Variants in GMPR observed in about 807,000 individuals in gnomAD.
GMPR encodes the protein GMP reductase 1.
Under a neutral mutation model 38.4 loss-of-function variants are expected in GMPR, and 31 were observed. The observed-to-expected ratio is 0.81, with a 90% CI of 0.61 to 1.09. The LOEUF (loss-of-function observed/expected upper bound fraction) is 1.09, where lower values mean the gene tolerates loss of function less well. Ranked by LOEUF, GMPR falls within the 50% of genes least tolerant of loss-of-function variation. The pLI, the probability that GMPR is intolerant of heterozygous loss-of-function variation, is 0.00. For synonymous variants in GMPR, 162 were observed against 173.3 expected (o/e 0.93, Z 0.51); for missense variants, 468 against 453.7 (o/e 1.03, Z -0.29).
At chr6:16,244,887 G>A (rs966323018) in intron 1 of GMPR, among the ~76,000 whole-genome samples, 6 of 152,032 alleles carry the variant, frequency 3.9e-5, no homozygotes, top group Admixed American at 2.0e-4. Context: ...GAGGGGAAGC[G>A]TTTACTGTTA....
At chr6:16,292,622 T>G (rs73362663) in intron 8 of GMPR, among the ~76,000 whole-genome samples, 3,577 of 152,236 alleles carry the variant, frequency 0.023, 71 homozygotes, top group South Asian at 0.045. Context: ...TACCAGCAAC[T>G]GTTGTCATCA....
At chr6:16,257,778 G>C (rs542498849) in intron 4 of GMPR, among the ~76,000 whole-genome samples, 1 of 152,286 alleles carries the variant, frequency 6.6e-6, no homozygotes, top group East Asian at 1.9e-4. Flanking sequence ...AGGCATACAG[G>C]CTCCTTGGAA....
chr6:16,245,420 A>G (rs886712638), intron 1 of GMPR, among the ~76,000 whole-genome samples: 1 of 152,220 alleles, frequency 6.6e-6, no homozygotes, highest in Non-Finnish European at 1.5e-5. Flanking sequence ...TCGCAAAGTG[A>G]AAGTTGCCTC....
At chr6:16,282,211 G>A (rs1207489708) in intron 6 of GMPR, among the ~76,000 whole-genome samples, 7 of 152,230 alleles carry the variant, frequency 4.6e-5, no homozygotes, top group Non-Finnish European at 8.8e-5. Flanking sequence ...GGCTTCAGTC[G>A]TGTTTCTGTT....
intron 4 of GMPR, among the ~76,000 whole-genome samples, chr6:16,267,953 TTCTC>T (rs974855621): frequency 6.6e-6 from 1 of 152,222 alleles, no homozygotes; most frequent in African/African-American, 2.4e-5. Context: ...CCCACATTCT[TTCTC>T]AAGGTTCTGA....
intron 8 of GMPR, among the ~76,000 whole-genome samples, chr6:16,291,238 T>C (rs528575986): frequency 6.6e-6 from 1 of 152,270 alleles, no homozygotes; most frequent in South Asian, 2.1e-4. Context: ...ATTTTTATTT[T>C]TTTGTGGTGG....
At chr6:16,253,005 T>G (rs888776501) in intron 3 of GMPR, among the ~76,000 whole-genome samples, 1 of 152,254 alleles carries the variant, frequency 6.6e-6, no homozygotes, top group Non-Finnish European at 1.5e-5. Flanking sequence ...AGTTAAAATA[T>G]AAACAATCCA....
intron 8 of GMPR, among the ~76,000 whole-genome samples, chr6:16,293,614 A>G (rs1759879019): frequency 1.3e-5 from 2 of 152,208 alleles, no homozygotes; most frequent in Non-Finnish European, 2.9e-5. Context: ...CCTGGCCAAC[A>G]TGGTGAAACC....
chr6:16,278,435 G>T (rs1194907497), intron 5 of GMPR, among the ~76,000 whole-genome samples: 2 of 152,160 alleles, frequency 1.3e-5, no homozygotes, highest in Admixed American at 1.3e-4. Context: ...TTGTAGAAAG[G>T]TGGAAAGGAG....
At chr6:16,260,363 T>A (rs1429402090) in intron 4 of GMPR, among the ~76,000 whole-genome samples, 1 of 151,984 alleles carries the variant, frequency 6.6e-6, no homozygotes, top group African/African-American at 2.4e-5. Flanking sequence ...ACTGAAGAAT[T>A]ATTTCTGACA....
At chr6:16,258,301 C>G (rs1759016488) in intron 4 of GMPR, among the ~76,000 whole-genome samples, 1 of 152,196 alleles carries the variant, frequency 6.6e-6, no homozygotes, top group South Asian at 2.1e-4. Context: ...ACTGGAGCTG[C>G]TGTGGGGTGT....
chr6:16,246,708 C>A, intron 1 of GMPR, 134 bp from the exon 2 acceptor site: 1 of 813,746 alleles, frequency 1.2e-6, no homozygotes, highest in East Asian at 2.5e-5. Flanking sequence ...GAATACCTGT[C>A]TTTGACCCCT....
At chr6:16,243,358 G>T (rs150480128) in intron 1 of GMPR, among the ~76,000 whole-genome samples, 4 of 152,262 alleles carry the variant, frequency 2.6e-5, no homozygotes, top group African/African-American at 9.6e-5. Context: ...CGGCTCTCTG[G>T]TAGCACTGCA....
intron 4 of GMPR, among the ~76,000 whole-genome samples, chr6:16,270,827 T>C (rs1160901138): frequency 6.6e-6 from 1 of 152,124 alleles, no homozygotes; most frequent in East Asian, 1.9e-4. Flanking sequence ...AGGTAGCTGA[T>C]GGGATGGAGA....
At chr6:16,246,377 C>A (rs1428722346) in intron 1 of GMPR, among the ~76,000 whole-genome samples, 1 of 152,056 alleles carries the variant, frequency 6.6e-6, no homozygotes, top group Non-Finnish European at 1.5e-5. Flanking sequence ...TTAAAGCAGC[C>A]GTGGAGGGTA....
rs147728391 is a variant in GMPR at position 16,281,304 on chromosome 6, C to T, written c.654+2414C>T. On this transcript the variant is annotated intron_variant, in intron 6 of 8. Transcript: ENST00000259727. Reference sequence around the variant, plus strand: ...CCCACTGGCTTATAGAGTAGAGGCTCAGCATACGCTGGCGGGGTGAGTGTT... The same window carrying T: ...CCCACTGGCTTATAGAGTAGAGGCTTAGCATACGCTGGCGGGGTGAGTGTT... Among the ~76,000 whole-genome samples the T allele has an allele frequency of 2.5e-4, 38 of 152,250 alleles. No homozygotes were observed. In the East Asian group the frequency reaches 6.6e-3, roughly 26 times the overall value.
chr6:16,269,518 T>A (rs937664951), intron 4 of GMPR, among the ~76,000 whole-genome samples: 1 of 152,158 alleles, frequency 6.6e-6, no homozygotes. Context: ...GAAGTTGGCC[T>A]GGTGTGGTGG....
chr6:16,290,174 G>A (rs1759809961), intron 7 of GMPR: 1 of 311,238 alleles, frequency 3.2e-6, no homozygotes, highest in South Asian at 6.2e-5. Context: ...ATCTGAGGAA[G>A]GTGGTCGTAG....
chr6:16,295,188 C>G lies in GMPR; in HGVS notation c.*2C>G. The stretch of plus-strand genomic sequence containing the variant: ...CAGCACAACACCGTGTTCAGCTAAC[C>G]CTGGGGACAAAGCAGCGTCTGGCTC... On this transcript the variant is annotated 3_prime_UTR_variant, in exon 9 of 9. Transcript: ENST00000259727. The G allele has an allele frequency of 1.3e-6, 2 of 1,503,772 alleles. No homozygotes were observed. The highest frequency in any genetic ancestry group is 2.7e-5 in the South Asian group (2 of 74,482). The allele number at this position is 1,503,772 out of a possible 1,614,324, so 93.2% of individuals were successfully genotyped here. A position where few individuals can be genotyped will look rare whatever the true frequency, so the allele number is the denominator to read the frequency against.
Sources: allele counts gnomAD v4.1 joint callset (sites outside exome capture counted in the v4.1 genomes callset), GRCh38; gene constraint gnomAD v4.1.1; transcripts MANE v1.5; gene names NCBI Gene and HGNC (gene_info 2026-07-23, HGNC 2026-07-21).